Variants in DPYD observed in about 807,000 individuals in gnomAD.
DPYD encodes the protein dihydropyrimidine dehydrogenase [NADP(+)].
A neutral mutation model predicts 116.2 loss-of-function variants in DPYD; 109 were observed. The observed-to-expected ratio is 0.94, with a 90% CI of 0.80 to 1.10. The LOEUF is 1.10. Among genes scored for constraint, DPYD ranks in the 50% least tolerant of loss-of-function variants. The pLI is 0.00. For missense variants in DPYD, 1,302 were observed against 1,254.5 expected (o/e 1.04, Z -0.57); for synonymous variants, 440 against 432.0 (o/e 1.02, Z -0.23).
At chr1:97,459,097 A>C (rs528831155) in intron 13 of DPYD, among the ~76,000 whole-genome samples, 1 of 152,158 alleles carries the variant, frequency 6.6e-6, no homozygotes, top group African/African-American at 2.4e-5. Context: ...AGAGACTTGA[A>C]TGTATAAATA....
At chr1:97,140,898 T>G (rs1008089945) in intron 20 of DPYD, among the ~76,000 whole-genome samples, 1 of 152,202 alleles carries the variant, frequency 6.6e-6, no homozygotes, top group African/African-American at 2.4e-5. Flanking sequence ...GTTTTGAAAG[T>G]GCAGCTCATT....
At chr1:97,565,752 G>T (rs780960933) in intron 11 of DPYD, among the ~76,000 whole-genome samples, 3 of 152,054 alleles carry the variant, frequency 2.0e-5, no homozygotes, top group Admixed American at 1.3e-4. Flanking sequence ...TTTTACTTGT[G>T]TCTGTATTCC....
intron 20 of DPYD, among the ~76,000 whole-genome samples, chr1:97,170,895 G>A (rs770863085): frequency 1.8e-4 from 27 of 151,892 alleles, no homozygotes; most frequent in Admixed American, 5.9e-4. Context: ...AGGCTGGTTC[G>A]AGCTCCTGAC....
At chr1:97,882,332 T>C (rs997423380) in intron 2 of DPYD, among the ~76,000 whole-genome samples, 3 of 152,004 alleles carry the variant, frequency 2.0e-5, no homozygotes, top group East Asian at 3.9e-4. Flanking sequence ...TGGCTGGTGA[T>C]AGAAAAACTT....
chr1:97,531,803 T>C (rs1414814940), intron 12 of DPYD, among the ~76,000 whole-genome samples: 3 of 152,180 alleles, frequency 2.0e-5, no homozygotes, highest in Non-Finnish European at 2.9e-5. Flanking sequence ...TTTCTGGCAG[T>C]ATTTTAGAGT....
intron 14 of DPYD, among the ~76,000 whole-genome samples, chr1:97,428,017 T>C (rs964208877): frequency 6.6e-5 from 10 of 152,140 alleles, no homozygotes; most frequent in Admixed American, 2.0e-4. Context: ...TCAGTTAAAA[T>C]ATAAAAGCTT....
chr1:97,457,425 T>C (rs1290902525), intron 13 of DPYD, among the ~76,000 whole-genome samples: 1 of 152,174 alleles, frequency 6.6e-6, no homozygotes, highest in Non-Finnish European at 1.5e-5. Flanking sequence ...TGTAGCCTTT[T>C]GTTTTTCCTC....
At chr1:97,720,671 T>C in intron 5 of DPYD, 1 of 1,356,502 alleles carries the variant, frequency 7.4e-7, no homozygotes, top group Non-Finnish European at 9.5e-7. Flanking sequence ...ACATTGTGTT[T>C]ATGCTGACAA....
intron 16 of DPYD, among the ~76,000 whole-genome samples, chr1:97,359,024 G>A (rs1159851067): frequency 6.6e-6 from 1 of 152,096 alleles, no homozygotes; most frequent in Non-Finnish European, 1.5e-5. Flanking sequence ...TGAGCTAAAG[G>A]AGGATGTTCG....
intron 16 of DPYD, among the ~76,000 whole-genome samples, chr1:97,312,977 C>A (rs1196406153): frequency 6.6e-6 from 1 of 151,812 alleles, no homozygotes. Context: ...GGGTTCTACC[C>A]TTTTGGCAAA....
intron 18 of DPYD, among the ~76,000 whole-genome samples, chr1:97,300,988 C>A (rs1052244099): frequency 6.6e-6 from 1 of 151,944 alleles, no homozygotes; most frequent in Admixed American, 6.6e-5. Flanking sequence ...ATTAGTATTT[C>A]CTATGTTGGA....
chr1:97,238,808 A>C (rs543831084), intron 18 of DPYD, among the ~76,000 whole-genome samples: 1 of 152,156 alleles, frequency 6.6e-6, no homozygotes, highest in Admixed American at 6.5e-5. Flanking sequence ...AATCCTATAC[A>C]CTTAATTGAA....
chr1:97,490,406 T>G (rs1171661730), intron 13 of DPYD, among the ~76,000 whole-genome samples: 1 of 147,932 alleles, frequency 6.8e-6, no homozygotes, highest in Admixed American at 6.8e-5. Flanking sequence ...TATATTACAA[T>G]TATATATTAG....
intron 14 of DPYD, among the ~76,000 whole-genome samples, chr1:97,401,302 G>T (rs1166064047): frequency 6.6e-6 from 1 of 151,838 alleles, no homozygotes; most frequent in African/African-American, 2.4e-5. Context: ...TTCACTGAGC[G>T]GAAGTTTTTT....
chr1:97,464,910 T>C (rs931011123), intron 13 of DPYD, among the ~76,000 whole-genome samples: 3 of 152,016 alleles, frequency 2.0e-5, no homozygotes, highest in Non-Finnish European at 4.4e-5. Flanking sequence ...CCCAGAATGG[T>C]AGATCCTCCG....
intron 20 of DPYD, among the ~76,000 whole-genome samples, chr1:97,139,194 A>C (rs1326671618): frequency 1.3e-5 from 2 of 152,146 alleles, no homozygotes; most frequent in Admixed American, 1.3e-4. Flanking sequence ...TCGATGCCAG[A>C]TTCGGTTCAT....
chr1:97,511,072 T>C (rs551031276), intron 13 of DPYD, among the ~76,000 whole-genome samples: 1 of 152,008 alleles, frequency 6.6e-6, no homozygotes, highest in African/African-American at 2.4e-5. Context: ...AAATGCATGA[T>C]TGAGGCCAGC....
At chr1:97,225,360 A>G (rs1006666602) in intron 19 of DPYD, among the ~76,000 whole-genome samples, 5 of 152,026 alleles carry the variant, frequency 3.3e-5, no homozygotes. Flanking sequence ...GATGTTAAGC[A>G]TCTATTCAAA....
chr1:97,899,073 A>G (rs1571552763), intron 1 of DPYD, among the ~76,000 whole-genome samples: 1 of 151,584 alleles, frequency 6.6e-6, no homozygotes. Flanking sequence ...AGCTGTGACT[A>G]TTCTGTCAGA....
Sources: allele counts gnomAD v4.1 joint callset (sites outside exome capture counted in the v4.1 genomes callset), GRCh38; gene constraint gnomAD v4.1.1; transcripts MANE v1.5; gene names NCBI Gene and HGNC (gene_info 2026-07-23, HGNC 2026-07-21).